Variants in USH2A observed in about 807,000 individuals in gnomAD.
The protein encoded by USH2A is Usher syndrome 2A (autosomal recessive, mild).
Under a neutral mutation model 538.9 loss-of-function variants are expected in USH2A, and 443 were observed. That is an observed-to-expected ratio of 0.82 (90% confidence interval 0.76 to 0.89). USH2A has a LOEUF of 0.89. USH2A is among the 40% of genes least tolerant of loss of function. The probability of loss-of-function intolerance (pLI) is 0.00; values close to 1 mark genes in which losing one functional copy is unlikely to be tolerated. For synonymous variants in USH2A, 2,413 were observed against 2,273.5 expected (o/e 1.06, Z -1.75); for missense variants, 6,633 against 6,324.8 (o/e 1.05, Z -1.65).
chr1:215,837,147 C>A (rs1663554787), intron 47 of USH2A, among the ~76,000 whole-genome samples: 1 of 152,048 alleles, frequency 6.6e-6, no homozygotes, highest in Non-Finnish European at 1.5e-5. Context: ...TTGCCAAAAC[C>A]AGTACTAATT....
At chr1:215,878,673 T>C in intron 42 of USH2A, 91 bp downstream of exon 42, 2 of 1,327,342 alleles carry the variant, frequency 1.5e-6, no homozygotes, top group Non-Finnish European at 2.1e-6. Context: ...TAGTTCTATG[T>C]TCATATAGGA....
At chr1:215,799,198 C>T in intron 49 of USH2A, 73 bp from the exon 50 acceptor site, 2 of 1,442,596 alleles carry the variant, frequency 1.4e-6, no homozygotes, top group Non-Finnish European at 9.6e-7. Flanking sequence ...TAACTTTTAT[C>T]ACAATCATCT....
chr1:216,151,893 T>G (rs981238410), intron 21 of USH2A, among the ~76,000 whole-genome samples: 1 of 152,166 alleles, frequency 6.6e-6, no homozygotes, highest in Non-Finnish European at 1.5e-5. Flanking sequence ...TAATACCCAT[T>G]TTTTTCCTTC....
At chr1:216,187,503 T>C (rs1401682952) in intron 20 of USH2A, among the ~76,000 whole-genome samples, 1 of 151,932 alleles carries the variant, frequency 6.6e-6, no homozygotes, top group Non-Finnish European at 1.5e-5. Context: ...ACATACTTCT[T>C]ACAGAAATAA....
At chr1:215,774,907 C>CTTTTTTTTTTTT (rs201727746) in intron 55 of USH2A, among the ~76,000 whole-genome samples, 1 of 136,370 alleles carries the variant, frequency 7.3e-6, no homozygotes, top group Non-Finnish European at 1.6e-5. Context: ...TTTTTTTTTT[C>CTTTTTTTTTTTT]TTTTTTTTTT....
intron 50 of USH2A, among the ~76,000 whole-genome samples, chr1:215,790,483 A>G (rs1004643131): frequency 5.3e-5 from 8 of 152,212 alleles, no homozygotes; most frequent in African/African-American, 1.9e-4. Flanking sequence ...CTAATTAGGA[A>G]AAGAACACAC....
intron 30 of USH2A, among the ~76,000 whole-genome samples, chr1:216,053,046 G>A (rs1202543652): frequency 2.0e-5 from 3 of 152,146 alleles, no homozygotes; most frequent in Non-Finnish European, 4.4e-5. Flanking sequence ...TGGAAAAGGT[G>A]CTATAGAATA....
chr1:215,845,736 T>G, intron 45 of USH2A, 88 bp downstream of exon 45: 1 of 1,427,112 alleles, frequency 7.0e-7, no homozygotes, highest in Non-Finnish European at 9.7e-7. Context: ...AATTTTATAA[T>G]GGAGGGATGA....
intron 60 of USH2A, among the ~76,000 whole-genome samples, chr1:215,735,483 G>A (rs907242978): frequency 6.6e-6 from 1 of 152,074 alleles, no homozygotes; most frequent in African/African-American, 2.4e-5. Context: ...GAAGGAAATA[G>A]GAAAATCGGA....
chr1:215,844,665 C>G (rs539745392), intron 45 of USH2A, among the ~76,000 whole-genome samples, 169 bp from the exon 46 acceptor site: 4 of 152,298 alleles, frequency 2.6e-5, no homozygotes, highest in Admixed American at 2.0e-4. Context: ...TTATTATACT[C>G]TCAGTTAGAA....
At position 215,790,195 on chromosome 1, in the gene USH2A, T is replaced by C. The variant is rs2102770016; in HGVS notation, c.10046A>G (p.Lys3349Arg). Residue 3349 changes from lysine (K) to arginine (R), a missense_variant, in exon 51 of 72, where the codon AAA becomes AGA. Physicochemically the swap from Lys to Arg is conservative, Grantham distance 26. Coordinates refer to ENST00000307340, the MANE Select transcript of USH2A (RefSeq NM_206933.4). ...TTTTACTGGCACCGGGTCATTCTTT[T>C]TAATATGTGCTTTAGACTCTCCACT... is the stretch of plus-strand genomic sequence containing the variant. ...ASSGESKAHI[K>R]KNDPVPVKCC... is the part of the protein sequence containing the mutation. The C allele has an allele frequency of 1.2e-6, 2 of 1,614,118 alleles. No homozygotes were observed. Among genetic ancestry groups the C allele is most frequent in the Non-Finnish European group, 1.7e-6 (2 of 1,180,000 alleles).
intron 2 of USH2A, among the ~76,000 whole-genome samples, chr1:216,419,747 G>A (rs944504204): frequency 2.0e-5 from 3 of 152,088 alleles, no homozygotes; most frequent in African/African-American, 7.2e-5. Flanking sequence ...TATCAGAGAG[G>A]CAAATGTATA....
At chr1:215,827,350 C>T (rs904955956) in intron 47 of USH2A, among the ~76,000 whole-genome samples, 2 of 152,236 alleles carry the variant, frequency 1.3e-5, no homozygotes, top group Middle Eastern at 6.8e-3. Context: ...CTGAAAGGCA[C>T]TCAAAGGCTA....
intron 46 of USH2A, among the ~76,000 whole-genome samples, chr1:215,841,403 T>G (rs1173948533): frequency 6.6e-6 from 1 of 152,104 alleles, no homozygotes; most frequent in African/African-American, 2.4e-5. Flanking sequence ...CATTTACCAC[T>G]ATCTGATCTT....
At chr1:216,118,360 C>A (rs1399986933) in intron 21 of USH2A, among the ~76,000 whole-genome samples, 1 of 152,096 alleles carries the variant, frequency 6.6e-6, no homozygotes. Context: ...ACTAGAGACA[C>A]CTTGAATACC....
intron 21 of USH2A, among the ~76,000 whole-genome samples, chr1:216,135,089 T>C (rs1001384676): frequency 2.0e-5 from 3 of 151,424 alleles, no homozygotes; most frequent in Non-Finnish European, 2.9e-5. Context: ...GCTACAGTTA[T>C]GCAACAAAGG....
chr1:216,024,091 T>C (rs1261961879), intron 32 of USH2A, among the ~76,000 whole-genome samples: 1 of 152,142 alleles, frequency 6.6e-6, no homozygotes, highest in Non-Finnish European at 1.5e-5. Flanking sequence ...CACTTGCTAT[T>C]GTGGAAAGCT....
At chr1:216,353,354 G>A (rs901483960) in intron 4 of USH2A, among the ~76,000 whole-genome samples, 1 of 151,924 alleles carries the variant, frequency 6.6e-6, no homozygotes, top group Non-Finnish European at 1.5e-5. Context: ...TGGGGGCACC[G>A]AGATTAAACG....
At chr1:215,983,144 TTTCG>T (rs1321437626) in intron 35 of USH2A, among the ~76,000 whole-genome samples, 1 of 152,030 alleles carries the variant, frequency 6.6e-6, no homozygotes, top group Non-Finnish European at 1.5e-5. Context: ...AGAGACGGGG[TTTCG>T]CCATGTTGGC....
Sources: gnomAD v4.1 joint callset for allele counts (sites outside exome capture counted in the v4.1 genomes callset) on GRCh38, gnomAD v4.1.1 for gene constraint, MANE v1.5 for transcripts, NCBI Gene and HGNC (gene_info 2026-07-23, HGNC 2026-07-21) for gene names.